The following PPP1CB variants were observed in gnomAD, a reference collection of about 807,000 sequenced individuals.
PPP1CB encodes protein phosphatase 1 catalytic subunit beta.
Under a neutral mutation model 43.7 loss-of-function variants are expected in PPP1CB, and 2 were observed. The observed-to-expected ratio is 0.05, with a 90% confidence interval of 0.02 to 0.14. The LOEUF (loss-of-function observed/expected upper bound fraction) is 0.14, where lower values mean the gene tolerates loss of function less well. Among genes scored for constraint, PPP1CB ranks in the 10% least tolerant of loss-of-function variants. PPP1CB has a pLI of 1.00. For missense variants in PPP1CB, 84 were observed against 398.0 expected (o/e 0.21, Z 6.71); for synonymous variants, 136 against 135.6 (o/e 1.00, Z -0.02).
chr2:28,764,187 G>A (rs1301604738), intron 1 of PPP1CB, among the ~76,000 whole-genome samples: 1 of 151,908 alleles, frequency 6.6e-6, no homozygotes, highest in Non-Finnish European at 1.5e-5. Flanking sequence ...GGGGCTGGAC[G>A]TGGTGGCTCA....
rs372747045 is a variant in PPP1CB, at chr2:28,800,913, G to C, written c.*1610G>C. The C allele has an allele frequency of 7.9e-5, 12 of 152,624 alleles. No individual in the cohort carries two copies. The South Asian group carries it at 2.5e-3, about 32-fold the overall frequency. The allele number at this position is 152,624 out of a possible 1,614,324, so 9.5% of individuals were successfully genotyped here. ...GCACATTGTATTACTTACTGCAAGAGATATTTCATTTTCAGCACAGTGCAA... is the reference window on the plus strand; with the variant it reads ...GCACATTGTATTACTTACTGCAAGACATATTTCATTTTCAGCACAGTGCAA... On this transcript the variant is annotated 3_prime_UTR_variant, in exon 8 of 8. Coordinates refer to ENST00000395366, the MANE Select transcript of PPP1CB (RefSeq NM_002709.3).
chr2:28,767,003 C>T (rs1009942567), intron 1 of PPP1CB, among the ~76,000 whole-genome samples: 2 of 151,778 alleles, frequency 1.3e-5, no homozygotes, highest in Non-Finnish European at 2.9e-5. Context: ...ATCGCGTGAA[C>T]CAGGGAGGCA....
At chr2:28,769,317 AC>A (rs752170890) in intron 1 of PPP1CB, among the ~76,000 whole-genome samples, 23 of 152,210 alleles carry the variant, frequency 1.5e-4, no homozygotes, top group Non-Finnish European at 2.8e-4. Flanking sequence ...GCTAACTGCA[AC>A]CTCTGCCTCC....
chr2:28,787,572 C>T (rs575806809), intron 5 of PPP1CB, among the ~76,000 whole-genome samples: 3 of 152,320 alleles, frequency 2.0e-5, no homozygotes, highest in African/African-American at 2.4e-5. Flanking sequence ...TTACCCACTC[C>T]GTTACCCTCA....
At chr2:28,799,173 A>AT (rs771078531) in intron 7 of PPP1CB, 26 bp from the exon 8 acceptor site, 4 of 1,423,384 alleles carry the variant, frequency 2.8e-6, no homozygotes, top group Non-Finnish European at 3.9e-6. Context: ...AAAAAATAAC[A>AT]TTATTTGTTA....
intron 6 of PPP1CB, among the ~76,000 whole-genome samples, chr2:28,789,680 C>T (rs1203608622): frequency 2.0e-5 from 3 of 147,384 alleles, no homozygotes; most frequent in African/African-American, 7.5e-5. Context: ...CTCACTGTAA[C>T]CTCCGCCTCC....
intron 4 of PPP1CB, among the ~76,000 whole-genome samples, chr2:28,783,430 G>A (rs1282495080): frequency 1.3e-5 from 2 of 152,078 alleles, no homozygotes; most frequent in African/African-American, 4.8e-5. Flanking sequence ...TTATATCAAA[G>A]TGGAATTCCT....
chr2:28,789,296 C>T (rs1401632429), intron 6 of PPP1CB, among the ~76,000 whole-genome samples: 1 of 151,886 alleles, frequency 6.6e-6, no homozygotes, highest in East Asian at 1.9e-4. Context: ...TGCTTAAGTA[C>T]AGGAGTTTGA....
chr2:28,758,832 A>G (rs1469660487), intron 1 of PPP1CB, among the ~76,000 whole-genome samples: 2 of 152,232 alleles, frequency 1.3e-5, no homozygotes, highest in African/African-American at 4.8e-5. Context: ...GATATTGATG[A>G]TATGTGCATA....
At chr2:28,780,388 G>C (rs1036326452) in intron 3 of PPP1CB, among the ~76,000 whole-genome samples, 3 of 152,116 alleles carry the variant, frequency 2.0e-5, no homozygotes, top group Non-Finnish European at 4.4e-5. Flanking sequence ...ACGGCGCCCA[G>C]CCATGAGCTT....
At position 28,801,568 on chromosome 2, in the gene PPP1CB, C is replaced by T. The variant is rs1667617512; in HGVS notation, c.*2265C>T. ...AGCACTCTTAAAACCACTTAAACAG[C>T]CTCCAGTCATAAAAATGTGTTCTTT... On this transcript the variant is annotated 3_prime_UTR_variant, in exon 8 of 8. Coordinates refer to ENST00000395366, the MANE Select transcript of PPP1CB (RefSeq NM_002709.3). 6.6e-6 allele frequency: 1 copy of T among 151,974 alleles called. No individual in the cohort carries two copies. Among genetic ancestry groups the T allele is most frequent in the South Asian group, 2.1e-4 (1 of 4,828 alleles). The allele number at this position is 151,974 out of a possible 1,614,324, so 9.4% of individuals were successfully genotyped here.
At chr2:28,791,246 A>G (rs1156337311) in intron 6 of PPP1CB, among the ~76,000 whole-genome samples, 1 of 151,298 alleles carries the variant, frequency 6.6e-6, no homozygotes, top group Non-Finnish European at 1.5e-5. Flanking sequence ...TGCCACTTTT[A>G]TTTAGCAGGA....
chr2:28,793,234 A>T (rs1667424947), intron 6 of PPP1CB, among the ~76,000 whole-genome samples: 2 of 152,198 alleles, frequency 1.3e-5, no homozygotes, highest in Admixed American at 1.3e-4. Context: ...ATAAAAATAC[A>T]GTCTGTTGGC....
In PPP1CB at chr2:28,764,840, G is replaced by A. The variant is rs528912551; in HGVS notation, c.53-12011G>A. 2.6e-5 allele frequency among the ~76,000 whole-genome samples: 4 copies of A among 152,058 alleles called. No homozygotes were observed. The East Asian group carries it at 7.7e-4, about 29-fold the overall frequency. On this transcript the variant is annotated intron_variant, in intron 1 of 7. Coordinates refer to ENST00000395366, the MANE Select transcript of PPP1CB (RefSeq NM_002709.3). ...GTAGATTGAGGTAGGAGATTCACCT[G>A]AAGCCAGGAGGTGGAGGTTTCAGTG... is the stretch of plus-strand genomic sequence containing the variant.
Position 28,799,278 on chromosome 2 carries a change from C to T in PPP1CB, c.959C>T (p.Thr320Ile). The change falls in exon 8 of 8, where the codon ACA becomes ATA. Residue 320 changes from threonine (T) to isoleucine (I), a missense_variant. This residue lies in a region of PPP1CB where 14 missense variants were observed against 30.9 expected (regional missense o/e 0.45). Coordinates refer to ENST00000395366, the MANE Select transcript of PPP1CB (RefSeq NM_002709.3). ...GGACGTCCTGTCACTCCACCTCGAA[C>T]AGCTAATCCGCCGAAGAAAAGGTGA... ...NSGRPVTPPR[T>I]ANPPKKR 1.2e-6 allele frequency: 2 copies of T among 1,607,344 alleles called. No homozygotes were observed. Among genetic ancestry groups the T allele is most frequent in the South Asian group, 1.1e-5 (1 of 90,922 alleles).
chr2:28,796,095 G>T (rs1274521723), intron 7 of PPP1CB, among the ~76,000 whole-genome samples: 1 of 152,110 alleles, frequency 6.6e-6, no homozygotes, highest in African/African-American at 2.4e-5. Flanking sequence ...AGATCAGATG[G>T]TTGCAGGAGT....
At chr2:28,775,077 AAT>A (rs1239916076) in intron 1 of PPP1CB, among the ~76,000 whole-genome samples, 2 of 151,966 alleles carry the variant, frequency 1.3e-5, no homozygotes, top group African/African-American at 2.4e-5. Context: ...CTGACAAAGG[AAT>A]CAGCAATTTT....
At chr2:28,757,193 TGTA>T (rs1441885243) in intron 1 of PPP1CB, among the ~76,000 whole-genome samples, 1 of 152,254 alleles carries the variant, frequency 6.6e-6, no homozygotes, top group Admixed American at 6.5e-5. Context: ...TCATCTTTGT[TGTA>T]GTATGTATCA....
intron 6 of PPP1CB, among the ~76,000 whole-genome samples, chr2:28,790,196 G>T (rs749663317): frequency 6.6e-6 from 1 of 152,210 alleles, no homozygotes; most frequent in African/African-American, 2.4e-5. Flanking sequence ...CAGGAAAGTC[G>T]CTTGAGCTCA....
Sources: gnomAD v4.1 joint callset for allele counts (sites outside exome capture counted in the v4.1 genomes callset) on GRCh38, gnomAD v4.1.1 for gene constraint, gnomAD v4.1.1 regional missense constraint, MANE v1.5 for transcripts, NCBI Gene and HGNC (gene_info 2026-07-23, HGNC 2026-07-21) for gene names.